Variants in COL12A1 observed in about 807,000 individuals in gnomAD.
The protein encoded by COL12A1 is collagen type XII alpha 1 chain.
A neutral mutation model predicts 349.7 loss-of-function variants in COL12A1; 114 were observed. That is an observed-to-expected ratio of 0.33 (90% CI 0.28 to 0.38). The LOEUF (loss-of-function observed/expected upper bound fraction) is 0.38. Ranked by LOEUF, COL12A1 falls within the 10% of genes least tolerant of loss-of-function variation. COL12A1 has a pLI of 1.00. For synonymous variants in COL12A1, 1,369 were observed against 1,329.0 expected (o/e 1.03, Z -0.66); for missense variants, 3,284 against 3,756.9 (o/e 0.87, Z 3.29).
intron 15 of COL12A1, 68 bp downstream of exon 15, chr6:75,156,189 G>T: frequency 6.5e-7 from 1 of 1,548,624 alleles, no homozygotes. Context: ...AAATGAAGTA[G>T]ACATACCAAA....
intron 1 of COL12A1, among the ~76,000 whole-genome samples, chr6:75,203,467 A>G (rs981839411): frequency 8.5e-5 from 13 of 152,188 alleles, no homozygotes; most frequent in African/African-American, 3.1e-4. Flanking sequence ...CAAAATACAT[A>G]ATAACAAATA....
chr6:75,155,503 G>A (rs1430011782), intron 16 of COL12A1, among the ~76,000 whole-genome samples, 159 bp downstream of exon 16: 1 of 152,140 alleles, frequency 6.6e-6, no homozygotes, highest in African/African-American at 2.4e-5. Context: ...AACTCCAGCA[G>A]CACCAAGCAT....
chr6:75,174,300 G>A lies in COL12A1; in HGVS notation c.2710+738C>T, dbSNP rs544350587. 3.9e-5 allele frequency among the ~76,000 whole-genome samples: 6 copies of A among 152,312 alleles called. No homozygotes were observed. The East Asian group carries it at 1.2e-3, about 29-fold the overall frequency. The stretch of plus-strand genomic sequence containing the variant: ...TGGCCAGGCGCGGTGGCTCAGGCCT[G>A]TAATCCCAGCATTTTGGTGGCCGAG... On this transcript the variant is annotated intron_variant, in intron 13 of 65. Transcript: ENST00000322507.
At position 75,145,444 on chromosome 6, in the gene COL12A1, C is replaced by T. The variant is rs1767129736; in HGVS notation, c.4572G>A (p.Gly1524=). 6.2e-7 allele frequency: 1 copy of T among 1,613,590 alleles called. No homozygotes were observed. Among genetic ancestry groups the T allele is most frequent in the Non-Finnish European group, 8.5e-7 (1 of 1,179,710 alleles). ...EPTRPKEVRL[G]PTVNDMQLTD... ...TCAGCTGCATGTCATTCACTGTTGG[C>T]CCCAAACGCACCTGCACATGGATAT... Residue 1524 remains glycine, a synonymous_variant, in exon 25 of 66, where the codon GGG becomes GGA. Transcript: ENST00000322507.
In COL12A1 at chr6:75,165,646, A is replaced by T; in HGVS notation, c.2844T>A (p.Thr948=). The T allele has an allele frequency of 1.2e-6, 2 of 1,614,036 alleles. No homozygotes were observed. Among genetic ancestry groups the T allele is most frequent in the African/African-American group, 1.3e-5 (1 of 75,050 alleles). ...SWKSLYDDVD[T]GEKNLPEDAI... is the part of the protein sequence containing the mutation. Reference sequence around the variant, plus strand: ...CATCTTCAGGCAGATTTTTCTCTCCAGTGTCAACATCATCATAAAGTGATT... The same window carrying T: ...CATCTTCAGGCAGATTTTTCTCTCCTGTGTCAACATCATCATAAAGTGATT... Residue 948 remains threonine, a synonymous_variant, in exon 14 of 66, where the codon ACT becomes ACA. Coordinates refer to ENST00000322507, the MANE Select transcript of COL12A1 (RefSeq NM_004370.6).
intron 22 of COL12A1, 128 bp from the exon 23 acceptor site, chr6:75,147,932 A>G (rs1767285138): frequency 1.0e-6 from 1 of 999,822 alleles, no homozygotes; most frequent in East Asian, 2.6e-5. Context: ...TGTCTTTTGT[A>G]TTTGGAAACT....
rs905291493 is a variant in COL12A1, at chr6:75,176,839, T to C, written c.2437+824A>G. 2.0e-5 allele frequency among the ~76,000 whole-genome samples: 3 copies of C among 152,324 alleles called. No homozygotes were observed. The South Asian group carries it at 6.2e-4, about 32-fold the overall frequency. On this transcript the variant is annotated intron_variant, in intron 12 of 65. Transcript: ENST00000322507. Reference sequence around the variant, plus strand: ...GTCCTTGGCATTATTACTGCTATTTTAAAAACATTACAGCTAGGAAATAAA... The same window carrying C: ...GTCCTTGGCATTATTACTGCTATTTCAAAAACATTACAGCTAGGAAATAAA...
At chr6:75,117,850 G>A (rs1034820257) in intron 46 of COL12A1, among the ~76,000 whole-genome samples, 1 of 152,134 alleles carries the variant, frequency 6.6e-6, no homozygotes, top group Non-Finnish European at 1.5e-5. Context: ...CCACAGTCCT[G>A]ATACACACAT....
intron 12 of COL12A1, among the ~76,000 whole-genome samples, 160 bp from the exon 13 acceptor site, chr6:75,175,470 T>G (rs1275362825): frequency 6.6e-6 from 1 of 152,232 alleles, no homozygotes; most frequent in Non-Finnish European, 1.5e-5. Context: ...AGCTTAAGCA[T>G]CTCTGAATCA....
Position 75,130,978 on chromosome 6 carries a change from C to T in COL12A1, c.5941G>A (p.Val1981Ile). The T allele has an allele frequency of 6.2e-7, 1 of 1,614,134 alleles. No homozygotes were observed. Among genetic ancestry groups the T allele is most frequent in the Non-Finnish European group, 8.5e-7 (1 of 1,180,002 alleles). The change falls in exon 36 of 66, where the codon GTA becomes ATA. Residue 1981 changes from valine to isoleucine, a missense_variant. By Grantham distance (29) the Val-to-Ile change is conservative. This residue lies in a region of COL12A1 where 2,601 missense variants were observed against 2,824.8 expected (regional missense o/e 0.92). Coordinates refer to ENST00000322507, the MANE Select transcript of COL12A1 (RefSeq NM_004370.6). ...ACCATGCGCGTGTTTCCTGGCACTA[C>T]TATCTGCAGGAGAGGAAATGCCAAA... ...VDGTRPSESI[V>I]VPGNTRMVHL...
rs1370363576 is a variant in COL12A1, at chr6:75,188,517, G to A, written c.842C>T (p.Ala281Val). ...VFSLGIKAADAKELKQIASTP... is the reference protein window; with the variant it reads ...VFSLGIKAADVKELKQIASTP... ...GGAGGCAATTTGTTTGAGTTCTTTT[G>A]CATCTGCAGCTTTAATGCCTTCAAA... The change falls in exon 8 of 66, where the codon GCA becomes GTA. Residue 281 changes from alanine to valine, a missense_variant. Physicochemically the swap from Ala to Val is moderately conservative, Grantham distance 64 (BLOSUM62 0). Around this residue, in one of 2 missense-constraint regions of COL12A1, gnomAD observed 2,601 missense variants for 2,824.8 expected, o/e 0.92. Coordinates refer to ENST00000322507, the MANE Select transcript of COL12A1 (RefSeq NM_004370.6). 1 of 1,612,564 alleles carries A rather than the reference G, an allele frequency of 6.2e-7. No homozygotes were observed. The highest frequency in any genetic ancestry group is 1.3e-5 in the African/African-American group (1 of 74,848).
chr6:75,091,036 A>T (rs1767736769), intron 62 of COL12A1, among the ~76,000 whole-genome samples: 1 of 152,196 alleles, frequency 6.6e-6, no homozygotes, highest in Admixed American at 6.5e-5. Flanking sequence ...CCCCTTCCTT[A>T]AGGTCATAAA....
At chr6:75,107,427 C>T (rs1176052268) in intron 52 of COL12A1, among the ~76,000 whole-genome samples, 6 of 151,912 alleles carry the variant, frequency 3.9e-5, no homozygotes, top group Admixed American at 1.3e-4. Flanking sequence ...CCCACTACCA[C>T]GCCCAGCTAA....
intron 53 of COL12A1, 37 bp from the exon 54 acceptor site, chr6:75,105,329 G>C: frequency 6.4e-7 from 1 of 1,559,572 alleles, no homozygotes; most frequent in Non-Finnish European, 8.8e-7. Flanking sequence ...TTTAAATTTA[G>C]AGGAAAAAAA....
At chr6:75,178,290 C>T (rs773365429) in intron 11 of COL12A1, among the ~76,000 whole-genome samples, 23 of 152,122 alleles carry the variant, frequency 1.5e-4, no homozygotes, top group Non-Finnish European at 3.1e-4. Flanking sequence ...TGAATATAAG[C>T]AGCCAAGACT....
chr6:75,156,598 A>C, intron 14 of COL12A1, 75 bp from the exon 15 acceptor site: 1 of 1,386,200 alleles, frequency 7.2e-7, no homozygotes, highest in Non-Finnish European at 9.9e-7. Context: ...ATTTATGTGA[A>C]AAGAAACTCT....
chr6:75,175,331 A>G (rs770339145), intron 12 of COL12A1, 21 bp from the exon 13 acceptor site: 34 of 1,603,598 alleles, frequency 2.1e-5, no homozygotes, highest in Non-Finnish European at 2.9e-5. Flanking sequence ...AAATGACAAC[A>G]TCATCAAAAC....
chr6:75,180,973 G>A lies in COL12A1; in HGVS notation c.2130C>T (p.Ser710=), dbSNP rs767053442. The change falls in exon 11 of 66, where the codon AGC becomes AGT. Residue 710 remains serine (S), a synonymous_variant. Coordinates refer to ENST00000322507, the MANE Select transcript of COL12A1 (RefSeq NM_004370.6). ...NVTAEYEDGF[S]IPLAGEETTE... Reference sequence around the variant, plus strand: ...TGGTCTCCTCTCCAGCTAAGGGAATGCTGAAGCCATCCTCATACTCCGCAG... The same window carrying A: ...TGGTCTCCTCTCCAGCTAAGGGAATACTGAAGCCATCCTCATACTCCGCAG... 1.2e-6 allele frequency: 2 copies of A among 1,613,962 alleles called. No homozygotes were observed. The highest frequency in any genetic ancestry group is 1.1e-5 in the South Asian group (1 of 91,046).
At chr6:75,112,884 AG>A (rs1289947648) in intron 51 of COL12A1, 1 of 157,612 alleles carries the variant, frequency 6.3e-6, no homozygotes, top group African/African-American at 2.4e-5. Context: ...ACTAAAATTA[AG>A]CTTTTCAAAC....
Sources: gnomAD v4.1 joint callset for allele counts (sites outside exome capture counted in the v4.1 genomes callset) on GRCh38, gnomAD v4.1.1 for gene constraint, gnomAD v4.1.1 regional missense constraint, MANE v1.5 for transcripts, NCBI Gene and HGNC (gene_info 2026-07-23, HGNC 2026-07-21) for gene names.